FAM81A: variants seen among roughly 807,000 people sequenced by gnomAD.
FAM81A encodes the protein family with sequence similarity 81 member A, also known as protein FAM81A.
A neutral mutation model predicts 46.7 loss-of-function variants in FAM81A; 19 were observed. The observed-to-expected ratio is 0.41, with a 90% CI of 0.28 to 0.60. The LOEUF (loss-of-function observed/expected upper bound fraction) is 0.60. Among genes scored for constraint, FAM81A ranks in the 20% least tolerant of loss-of-function variants. FAM81A has a pLI of 0.34. For synonymous variants in FAM81A, 183 were observed against 152.9 expected, an observed-to-expected ratio of 1.20 and a Z score of -1.45; for missense variants, 377 against 453.5, an observed-to-expected ratio of 0.83 and a Z score of 1.53.
At position 59,403,771 on chromosome 15, in the gene FAM81A, C is replaced by T. The variant is rs576873702; in HGVS notation, c.-78+1413C>T. Among the ~76,000 whole-genome samples, 44 of 146,846 alleles carry T rather than the reference C, an allele frequency of 3.0e-4. No homozygotes were observed. The East Asian group carries it at 7.6e-3, about 25-fold the overall frequency. ...CACAGGGAGGTAATTGATTTCTTTT[C>T]AGTTAAAATACTTTAAATTGCAAAT... On this transcript the variant is annotated intron_variant, in intron 2 of 4. Transcript: ENST00000558348.
At chr15:59,471,176 CT>C (rs1220492118) in intron 3 of FAM81A, among the ~76,000 whole-genome samples, 2 of 152,138 alleles carry the variant, frequency 1.3e-5, no homozygotes, top group African/African-American at 4.8e-5. Context: ...TGGTGGCCTT[CT>C]GTATTCTTAC....
intron 1 of FAM81A, among the ~76,000 whole-genome samples, chr15:59,440,625 A>G (rs1239284162): frequency 6.6e-6 from 1 of 152,162 alleles, no homozygotes; most frequent in African/African-American, 2.4e-5. Context: ...AGTCTTGAAC[A>G]AGACTAAACC....
chr15:59,510,142 G>T (rs1444363856), intron 6 of FAM81A, among the ~76,000 whole-genome samples: 1 of 152,134 alleles, frequency 6.6e-6, no homozygotes, highest in Non-Finnish European at 1.5e-5. Context: ...AAGGCAGATG[G>T]ATCACCTGAG....
chr15:59,475,792 A>G (rs2081759114), intron 3 of FAM81A, among the ~76,000 whole-genome samples: 1 of 152,258 alleles, frequency 6.6e-6, no homozygotes, highest in Admixed American at 6.5e-5. Context: ...CACTAATTAT[A>G]TTGATTTATA....
At chr15:59,466,395 A>G (rs1327435353) in intron 3 of FAM81A, among the ~76,000 whole-genome samples, 2 of 151,780 alleles carry the variant, frequency 1.3e-5, no homozygotes, top group Admixed American at 6.6e-5. Context: ...AATGATTGCC[A>G]TTCTAACTGG....
chr15:59,508,604 G>C (rs2082173147), intron 5 of FAM81A, among the ~76,000 whole-genome samples: 1 of 152,150 alleles, frequency 6.6e-6, no homozygotes, highest in South Asian at 2.1e-4. Context: ...GTAGGAATTG[G>C]GCTTGCTCCT....
chr15:59,460,224 C>G lies in FAM81A; in HGVS notation c.294+18C>G, dbSNP rs770522107. On this transcript the variant is annotated intron_variant, in intron 3 of 8. Coordinates refer to ENST00000288228, the MANE Select transcript of FAM81A (RefSeq NM_152450.3). This position sits in a 1 kb window ranked among gnomAD's most constrained non-coding sequence, Gnocchi z 4.4. ...ATATCGAGGTAAGGTTTGTGAAAGTCAGGTGGCCTATGTCCCTTTCCACAG... is the reference window on the plus strand; with the variant it reads ...ATATCGAGGTAAGGTTTGTGAAAGTGAGGTGGCCTATGTCCCTTTCCACAG... 2.5e-6 allele frequency: 4 copies of G among 1,613,932 alleles called. No homozygotes were observed. The highest frequency in any genetic ancestry group is 3.4e-6 in the Non-Finnish European group (4 of 1,179,888).
At position 59,474,070 on chromosome 15, in the gene FAM81A, C is replaced by T. The variant is rs116140692; in HGVS notation, c.294+13864C>T. On this transcript the variant is annotated intron_variant, in intron 3 of 8. Coordinates refer to ENST00000288228, the MANE Select transcript of FAM81A (RefSeq NM_152450.3). ...TTTAGGAAGCCCTCCTTGCCAGTTC[C>T]TCTCATGCCCCCAGTTTCCTTTCCC... 9.2e-3 allele frequency among the ~76,000 whole-genome samples: 1,396 copies of T among 152,270 alleles called. 22 individuals carry two copies. The highest frequency in any genetic ancestry group is 0.031 in the African/African-American group (1,296 of 41,566).
At chr15:59,420,113 A>G (rs1458130522) in intron 2 of FAM81A, among the ~76,000 whole-genome samples, 4 of 152,216 alleles carry the variant, frequency 2.6e-5, no homozygotes, top group African/African-American at 4.8e-5. Context: ...AAAATGGAGA[A>G]TGACTCTTTA....
intron 1 of FAM81A, among the ~76,000 whole-genome samples, chr15:59,448,621 G>A (rs1214377053): frequency 1.3e-5 from 2 of 151,608 alleles, no homozygotes; most frequent in African/African-American, 2.4e-5. Context: ...ACATTATATA[G>A]CAAGGACATA....
chr15:59,466,223 T>C (rs561455912), intron 3 of FAM81A, among the ~76,000 whole-genome samples: 14 of 152,326 alleles, frequency 9.2e-5, no homozygotes, highest in Admixed American at 9.1e-4. Context: ...ATATACCCAG[T>C]AATGGGATTG....
intron 3 of FAM81A, among the ~76,000 whole-genome samples, chr15:59,491,976 GAAAAA>G (rs2081986341): frequency 1.6e-5 from 2 of 127,644 alleles, no homozygotes; most frequent in African/African-American, 6.4e-5. Context: ...AAAAAAAAAA[GAAAAA>G]AGAAAAAAGA....
At chr15:59,464,388 C>A (rs1332240292) in intron 3 of FAM81A, among the ~76,000 whole-genome samples, 1 of 152,162 alleles carries the variant, frequency 6.6e-6, no homozygotes, top group Non-Finnish European at 1.5e-5. Flanking sequence ...TTTGAGGAAC[C>A]TCCATACTTT....
chr15:59,440,271 G>A (rs1357127678), intron 1 of FAM81A: 1 of 152,098 alleles, frequency 6.6e-6, no homozygotes, highest in East Asian at 1.9e-4. Flanking sequence ...AATCATTGGG[G>A]GCTGGGGCAG....
intron 3 of FAM81A, among the ~76,000 whole-genome samples, chr15:59,485,113 A>G (rs577096575): frequency 9.2e-5 from 14 of 152,286 alleles, no homozygotes; most frequent in Admixed American, 8.5e-4. Flanking sequence ...AGTACCAGGT[A>G]GATTTCTAAG....
chr15:59,471,423 T>C (rs1341278569), intron 3 of FAM81A, among the ~76,000 whole-genome samples: 1 of 152,194 alleles, frequency 6.6e-6, no homozygotes, highest in Non-Finnish European at 1.5e-5. Context: ...CTGGTATCAG[T>C]ACAGGTATTC....
chr15:59,414,265 T>C (rs566568025), intron 2 of FAM81A, among the ~76,000 whole-genome samples: 2 of 152,214 alleles, frequency 1.3e-5, no homozygotes, highest in Admixed American at 6.5e-5. Flanking sequence ...ACATTCTAAT[T>C]CTTGGAACTA....
chr15:59,416,383 G>T (rs2081146796), intron 2 of FAM81A, among the ~76,000 whole-genome samples: 3 of 152,188 alleles, frequency 2.0e-5, no homozygotes, highest in Admixed American at 2.0e-4. Flanking sequence ...TCTCCCCTTT[G>T]GTTAAGAGTC....
At chr15:59,407,427 T>A (rs1596458978) in intron 2 of FAM81A, among the ~76,000 whole-genome samples, 1 of 151,762 alleles carries the variant, frequency 6.6e-6, no homozygotes, top group East Asian at 1.9e-4. Context: ...CCCCAGTATC[T>A]GGGACTACAG....
Sources: allele counts gnomAD v4.1 joint callset (sites outside exome capture counted in the v4.1 genomes callset), GRCh38; gene constraint gnomAD v4.1.1; non-coding constraint Gnocchi (gnomAD v3.1); transcripts MANE v1.5; gene names NCBI Gene and HGNC (gene_info 2026-07-23, HGNC 2026-07-21).